MSH3: variants seen among roughly 807,000 people sequenced by gnomAD.
MSH3 encodes mutS homolog 3.
In MSH3, 106 loss-of-function variants were observed where a neutral mutation model predicts 123.3. That is an observed-to-expected ratio of 0.86 (90% CI 0.73 to 1.01). The LOEUF (loss-of-function observed/expected upper bound fraction) is 1.01, where lower values mean the gene tolerates loss of function less well. MSH3 is among the 50% of genes least tolerant of loss of function. The pLI is 0.00. For missense variants in MSH3, 1,459 were observed against 1,347.6 expected, an observed-to-expected ratio of 1.08 and a Z score of -1.29; for synonymous variants, 515 against 481.4, an observed-to-expected ratio of 1.07 and a Z score of -0.91.
chr5:80,800,015 A>G (rs1287271673), intron 19 of MSH3, among the ~76,000 whole-genome samples: 1 of 152,228 alleles, frequency 6.6e-6, no homozygotes, highest in Non-Finnish European at 1.5e-5. Context: ...TTGACATTCT[A>G]TGTGGAAGTT....
intron 10 of MSH3, among the ~76,000 whole-genome samples, chr5:80,732,822 C>T (rs1743435296): frequency 6.6e-6 from 1 of 152,158 alleles, no homozygotes; most frequent in South Asian, 2.1e-4. Flanking sequence ...TAAGATTCAA[C>T]ACCCCTTCAT....
At chr5:80,856,371 G>A (rs1030728563) in intron 21 of MSH3, among the ~76,000 whole-genome samples, 23 of 151,560 alleles carry the variant, frequency 1.5e-4, no homozygotes, top group African/African-American at 5.1e-4. Context: ...TAGAAACTAC[G>A]TAGGAAATGA....
At chr5:80,779,288 C>T (rs555608687) in intron 17 of MSH3, among the ~76,000 whole-genome samples, 267 of 151,876 alleles carry the variant, frequency 1.8e-3, no homozygotes, top group African/African-American at 6.1e-3. Flanking sequence ...CCACTGCACC[C>T]AGCCCGAAAG....
At chr5:80,819,378 GTGTATATA>G (rs1745161979) in intron 20 of MSH3, among the ~76,000 whole-genome samples, 1 of 13,842 alleles carries the variant, frequency 7.2e-5, no homozygotes, top group African/African-American at 2.2e-4. Flanking sequence ...GTATATATAT[GTGTATATA>G]TGTATATATG....
intron 23 of MSH3, 111 bp from the exon 24 acceptor site, chr5:80,875,640 A>G (rs1195334685): frequency 3.5e-5 from 24 of 686,050 alleles, no homozygotes; most frequent in Non-Finnish European, 5.5e-5. Context: ...CTTCCTAACT[A>G]TAGAGCCTGC....
At chr5:80,815,308 A>G (rs1445169759) in intron 20 of MSH3, among the ~76,000 whole-genome samples, 1 of 152,110 alleles carries the variant, frequency 6.6e-6, no homozygotes, top group African/African-American at 2.4e-5. Context: ...ATTTTATAAG[A>G]AAAACAAACC....
chr5:80,808,951 G>T (rs1324830113), intron 19 of MSH3, among the ~76,000 whole-genome samples: 3 of 144,002 alleles, frequency 2.1e-5, no homozygotes, highest in Non-Finnish European at 4.5e-5. Context: ...TACTCATCAA[G>T]GCCTTCAAAT....
chr5:80,693,536 AAT>A (rs369118289), intron 8 of MSH3, among the ~76,000 whole-genome samples: 2 of 96,378 alleles, frequency 2.1e-5, no homozygotes, highest in Non-Finnish European at 4.6e-5. Context: ...TGTTTATATA[AAT>A]ATATATGCAC....
chr5:80,833,120 A>G (rs1222004893), intron 20 of MSH3, among the ~76,000 whole-genome samples: 3 of 152,182 alleles, frequency 2.0e-5, no homozygotes, highest in East Asian at 1.9e-4. Context: ...GTTGACCTAT[A>G]TAAGGGTTAT....
intron 22 of MSH3, among the ~76,000 whole-genome samples, chr5:80,869,111 A>G (rs565775486): frequency 1.1e-4 from 16 of 152,216 alleles, no homozygotes; most frequent in African/African-American, 1.9e-4. Flanking sequence ...TCCAATCTGT[A>G]TGATCTTGAA....
intron 8 of MSH3, among the ~76,000 whole-genome samples, chr5:80,683,435 T>C (rs1750016114): frequency 6.6e-6 from 1 of 152,216 alleles, no homozygotes; most frequent in South Asian, 2.1e-4. Context: ...ATTGTAGTTT[T>C]GATTTGGATT....
chr5:80,832,177 T>G (rs772425430), intron 20 of MSH3, among the ~76,000 whole-genome samples: 2 of 152,082 alleles, frequency 1.3e-5, no homozygotes, highest in Non-Finnish European at 2.9e-5. Context: ...TAAATCTATA[T>G]TCCACTTATA....
chr5:80,803,187 G>A (rs6894961), intron 19 of MSH3, among the ~76,000 whole-genome samples: 15,699 of 151,980 alleles, frequency 0.1, 1,168 homozygotes, highest in East Asian at 0.33. Flanking sequence ...ACTAACTTAC[G>A]TTCCTACCAG....
chr5:80,767,254 T>C (rs553432644), intron 13 of MSH3, among the ~76,000 whole-genome samples: 1 of 152,292 alleles, frequency 6.6e-6, no homozygotes, highest in Admixed American at 6.5e-5. Context: ...AAAGTGGTGC[T>C]TATTCAAAGG....
intron 20 of MSH3, among the ~76,000 whole-genome samples, chr5:80,834,099 G>A (rs904738630): frequency 6.6e-6 from 1 of 152,128 alleles, no homozygotes; most frequent in Non-Finnish European, 1.5e-5. Context: ...TATTTCTTCA[G>A]TGTGTATTCA....
chr5:80,777,662 TG>T (rs1170802457), intron 16 of MSH3, among the ~76,000 whole-genome samples: 2 of 152,178 alleles, frequency 1.3e-5, no homozygotes, highest in Admixed American at 6.5e-5. Flanking sequence ...GCAGTTTATC[TG>T]TTTGGCCATA....
At chr5:80,812,326 C>G (rs907917341) in intron 19 of MSH3, among the ~76,000 whole-genome samples, 12 of 152,106 alleles carry the variant, frequency 7.9e-5, no homozygotes, top group African/African-American at 2.9e-4. Flanking sequence ...TGGCTTTTGT[C>G]TATCTTTTCT....
intron 2 of MSH3, among the ~76,000 whole-genome samples, chr5:80,660,373 A>G (rs1040637940): frequency 6.6e-6 from 1 of 152,134 alleles, no homozygotes; most frequent in East Asian, 1.9e-4. Flanking sequence ...TAGCATGGGA[A>G]AGACTGGCTC....
intron 12 of MSH3, among the ~76,000 whole-genome samples, chr5:80,756,255 A>AAAC (rs1265070503): frequency 1.3e-5 from 2 of 152,324 alleles, no homozygotes; most frequent in African/African-American, 4.8e-5. Flanking sequence ...AAAGAAAAGA[A>AAAC]AACAACAACA....
Sources: allele counts gnomAD v4.1 joint callset (sites outside exome capture counted in the v4.1 genomes callset), GRCh38; gene constraint gnomAD v4.1.1; transcripts MANE v1.5; gene names NCBI Gene and HGNC (gene_info 2026-07-23, HGNC 2026-07-21).